ITGBL1: variants seen among roughly 807,000 people sequenced by gnomAD.
ITGBL1 encodes integrin subunit beta like 1.
Under a neutral mutation model 68.5 loss-of-function variants are expected in ITGBL1, and 51 were observed. The observed-to-expected ratio is 0.74, with a 90% confidence interval of 0.59 to 0.94. The LOEUF (loss-of-function observed/expected upper bound fraction) is 0.94. Ranked by LOEUF, ITGBL1 falls within the 40% of genes least tolerant of loss-of-function variation. The pLI is 0.00. For missense variants in ITGBL1, 649 were observed against 647.4 expected (o/e 1.00, Z -0.03); for synonymous variants, 209 against 227.3 (o/e 0.92, Z 0.72).
At chr13:101,509,217 A>G (rs2049075330) in intron 2 of ITGBL1, among the ~76,000 whole-genome samples, 1 of 152,070 alleles carries the variant, frequency 6.6e-6, no homozygotes. Flanking sequence ...GGAAACTCCC[A>G]TTTTTTAAAC....
At chr13:101,615,809 A>C (rs2031330800) in intron 7 of ITGBL1, among the ~76,000 whole-genome samples, 1 of 151,976 alleles carries the variant, frequency 6.6e-6, no homozygotes, top group Non-Finnish European at 1.5e-5. Context: ...ATAATAATAA[A>C]ATAATAAATA....
At chr13:101,605,901 T>A (rs986723539) in intron 7 of ITGBL1, among the ~76,000 whole-genome samples, 5 of 144,712 alleles carry the variant, frequency 3.5e-5, no homozygotes, top group African/African-American at 1.2e-4. Flanking sequence ...TATGCGTGCA[T>A]GTGTATATGT....
At chr13:101,616,393 T>A (rs2031362766) in intron 7 of ITGBL1, among the ~76,000 whole-genome samples, 1 of 152,224 alleles carries the variant, frequency 6.6e-6, no homozygotes, top group Non-Finnish European at 1.5e-5. Context: ...TCTGGGGGTA[T>A]AAATCTGTTT....
At chr13:101,553,655 C>T (rs1476814128) in intron 2 of ITGBL1, among the ~76,000 whole-genome samples, 1 of 151,956 alleles carries the variant, frequency 6.6e-6, no homozygotes, top group Non-Finnish European at 1.5e-5. Flanking sequence ...ATGCGAGTGG[C>T]TCTGTTCTAT....
At chr13:101,477,414 G>C (rs2048553764) in intron 2 of ITGBL1, among the ~76,000 whole-genome samples, 1 of 151,742 alleles carries the variant, frequency 6.6e-6, no homozygotes, top group South Asian at 2.1e-4. Context: ...CAACCTAGTG[G>C]TGCATGTTAA....
chr13:101,680,264 T>C (rs368137471), intron 7 of ITGBL1, among the ~76,000 whole-genome samples: 1 of 152,202 alleles, frequency 6.6e-6, no homozygotes, highest in South Asian at 2.1e-4. Context: ...GCAGGCGCTT[T>C]CTCTAGTGCA....
At chr13:101,612,056 A>G (rs1283075791) in intron 7 of ITGBL1, among the ~76,000 whole-genome samples, 2 of 152,180 alleles carry the variant, frequency 1.3e-5, no homozygotes, top group Non-Finnish European at 2.9e-5. Context: ...TTTAAGATGG[A>G]TGAGATTTTG....
intron 7 of ITGBL1, among the ~76,000 whole-genome samples, chr13:101,599,348 A>G (rs1424449336): frequency 2.0e-5 from 3 of 151,728 alleles, no homozygotes; most frequent in Non-Finnish European, 2.9e-5. Flanking sequence ...CCTTTCTCAG[A>G]TGAGTAGGTT....
At chr13:101,498,750 T>C (rs1034665054) in intron 2 of ITGBL1, among the ~76,000 whole-genome samples, 3 of 152,186 alleles carry the variant, frequency 2.0e-5, no homozygotes, top group Admixed American at 6.5e-5. Flanking sequence ...CGGCCGCAGA[T>C]GGGGATTTTA....
intron 9 of ITGBL1, among the ~76,000 whole-genome samples, chr13:101,710,329 C>G (rs1052574119): frequency 2.6e-5 from 4 of 152,086 alleles, no homozygotes; most frequent in Non-Finnish European, 5.9e-5. Context: ...ATGGAGACAT[C>G]AATGCTGGAT....
chr13:101,524,538 C>T (rs1485931791), intron 2 of ITGBL1, among the ~76,000 whole-genome samples: 1 of 151,614 alleles, frequency 6.6e-6, no homozygotes, highest in Non-Finnish European at 1.5e-5. Context: ...TAGTTGTCAT[C>T]ACTGATGTAA....
chr13:101,610,384 C>G (rs945893928), intron 7 of ITGBL1, among the ~76,000 whole-genome samples: 1 of 152,056 alleles, frequency 6.6e-6, no homozygotes, highest in Admixed American at 6.6e-5. Flanking sequence ...CCTGCGATGC[C>G]CCTCTTAGGA....
At chr13:101,563,884 A>G (rs1418595926) in intron 2 of ITGBL1, among the ~76,000 whole-genome samples, 2 of 151,854 alleles carry the variant, frequency 1.3e-5, no homozygotes, top group East Asian at 3.9e-4. Flanking sequence ...AACATAGAAC[A>G]CCAAATCTTT....
At chr13:101,701,889 G>C (rs912494799) in intron 8 of ITGBL1, among the ~76,000 whole-genome samples, 1 of 152,136 alleles carries the variant, frequency 6.6e-6, no homozygotes, top group Non-Finnish European at 1.5e-5. Flanking sequence ...AATTTGGGAA[G>C]ATGAAAATAT....
At chr13:101,613,707 G>A (rs1490231620) in intron 7 of ITGBL1, among the ~76,000 whole-genome samples, 2 of 152,102 alleles carry the variant, frequency 1.3e-5, no homozygotes. Flanking sequence ...AAATCATGGA[G>A]GAGATGAGGG....
chr13:101,574,916 G>T (rs1331940311), intron 3 of ITGBL1, among the ~76,000 whole-genome samples: 1 of 152,084 alleles, frequency 6.6e-6, no homozygotes, highest in East Asian at 1.9e-4. Flanking sequence ...CTGAGGAGGA[G>T]AAATTATCAG....
At chr13:101,623,158 T>C (rs1204383925) in intron 7 of ITGBL1, among the ~76,000 whole-genome samples, 3 of 152,106 alleles carry the variant, frequency 2.0e-5, no homozygotes, top group African/African-American at 4.8e-5. Flanking sequence ...TTTTGATCTT[T>C]CCCTTTAAAA....
intron 7 of ITGBL1, among the ~76,000 whole-genome samples, chr13:101,629,164 C>T (rs544378110): frequency 6.6e-6 from 1 of 152,060 alleles, no homozygotes; most frequent in South Asian, 2.1e-4. Context: ...CAACCCTTTA[C>T]ATTTTATTCT....
chr13:101,482,839 T>A (rs1278325846), intron 2 of ITGBL1, among the ~76,000 whole-genome samples: 1 of 152,128 alleles, frequency 6.6e-6, no homozygotes, highest in Non-Finnish European at 1.5e-5. Context: ...AGGACTGTGA[T>A]TTCCAAAGTG....
Sources: gnomAD v4.1 joint callset for allele counts (sites outside exome capture counted in the v4.1 genomes callset) on GRCh38, gnomAD v4.1.1 for gene constraint, MANE v1.5 for transcripts, NCBI Gene and HGNC (gene_info 2026-07-23, HGNC 2026-07-21) for gene names.